PREX1: variants seen among roughly 807,000 people sequenced by gnomAD.
PREX1 encodes the protein phosphatidylinositol 3,4,5-trisphosphate-dependent Rac exchanger 1 protein.
PREX1 carries 41 observed loss-of-function variants against 198.3 expected under a neutral mutation model. That is an observed-to-expected ratio of 0.21 (90% CI 0.16 to 0.27). The LOEUF is 0.27. PREX1 is among the 10% of genes least tolerant of loss of function. PREX1 has a pLI of 1.00. For missense variants in PREX1, 1,620 were observed against 2,200.7 expected, an observed-to-expected ratio of 0.74 and a Z score of 5.28; for synonymous variants, 843 against 887.2, an observed-to-expected ratio of 0.95 and a Z score of 0.89.
intron 13 of PREX1, 65 bp from the exon 14 acceptor site, chr20:48,676,333 TG>T: frequency 2.7e-6 from 4 of 1,472,232 alleles, no homozygotes; most frequent in Non-Finnish European, 3.8e-6. Flanking sequence ...GGGGTGGTCC[TG>T]ACTTCCCTGC....
the PREX1 span, among the ~76,000 whole-genome samples, chr20:48,866,320 T>C: frequency 3.3e-5 from 5 of 152,216 alleles, no homozygotes; most frequent in Non-Finnish European, 7.3e-5. Flanking sequence ...TCAGGCCATT[T>C]TCCAGATGGA....
chr20:48,721,177 G>T (rs575913790), intron 5 of PREX1, among the ~76,000 whole-genome samples: 1 of 152,316 alleles, frequency 6.6e-6, no homozygotes, highest in East Asian at 1.9e-4. Flanking sequence ...GTGACCAGGG[G>T]TATCTACCCT....
the PREX1 span, among the ~76,000 whole-genome samples, chr20:48,862,812 T>TATAC: frequency 7.6e-6 from 1 of 131,664 alleles, no homozygotes; most frequent in Non-Finnish European, 1.7e-5. Context: ...TATATATATA[T>TATAC]ACTAATAAAC....
chr20:48,856,310 C>T, the PREX1 span, among the ~76,000 whole-genome samples: 1 of 152,240 alleles, frequency 6.6e-6, no homozygotes, highest in African/African-American at 2.4e-5. Flanking sequence ...TGAGAGGCTG[C>T]ACAGGGTCCA....
intron 14 of PREX1, among the ~76,000 whole-genome samples, chr20:48,674,847 A>C (rs1272384858): frequency 6.6e-6 from 1 of 152,254 alleles, no homozygotes; most frequent in African/African-American, 2.4e-5. Flanking sequence ...AGATTTTCTA[A>C]GCTTCTGGTC....
chr20:48,784,960 C>G (rs2090305334), intron 1 of PREX1, among the ~76,000 whole-genome samples: 1 of 151,868 alleles, frequency 6.6e-6, no homozygotes, highest in Non-Finnish European at 1.5e-5. Context: ...GTCACTCAGG[C>G]TGGAGTGCAA....
intron 7 of PREX1, among the ~76,000 whole-genome samples, chr20:48,699,047 G>T (rs2089861434): frequency 6.6e-6 from 1 of 152,134 alleles, no homozygotes; most frequent in Admixed American, 6.5e-5. Context: ...GAAAACAAAG[G>T]CTCAGGGAGG....
chr20:48,802,749 G>T (rs1051640038), intron 1 of PREX1, among the ~76,000 whole-genome samples: 2 of 152,216 alleles, frequency 1.3e-5, no homozygotes, highest in Admixed American at 6.5e-5. Context: ...GTCAGTATCT[G>T]CTGACAGCAT....
In PREX1 at chr20:48,827,758, C is replaced by T; in HGVS notation, c.103G>A (p.Gly35Ser). The change falls in exon 1 of 40, where the codon GGC becomes AGC. Residue 35 changes from glycine to serine, a missense_variant. By Grantham distance (56) the Gly-to-Ser change is moderately conservative. This residue lies in a region of PREX1 where 96 missense variants were observed against 98.7 expected (regional missense o/e 0.97). Coordinates refer to ENST00000371941, the MANE Select transcript of PREX1 (RefSeq NM_020820.4). This position sits in a 1 kb window ranked among gnomAD's most constrained non-coding sequence, Gnocchi z 4.1. ...GACTCCCGGGCGGCCGCGCACGGGC[C>T]GGGGCCGGAGCTGGGCGCCGCGGCG... ...PGAAAPSSGP[G>S]PCAAARESER... 1.7e-6 allele frequency: 2 copies of T among 1,207,588 alleles called. No homozygotes were observed. The highest frequency in any genetic ancestry group is 2.1e-6 in the Non-Finnish European group (2 of 962,158). The allele number at this position is 1,207,588 out of a possible 1,614,324, so 74.8% of individuals were successfully genotyped here. A position where few individuals can be genotyped will look rare whatever the true frequency, so the allele number is the denominator to read the frequency against.
intron 35 of PREX1, among the ~76,000 whole-genome samples, chr20:48,631,527 CA>C (rs2122815173): frequency 6.6e-6 from 1 of 152,322 alleles, no homozygotes; most frequent in Non-Finnish European, 1.5e-5. Context: ...GAGTATTCCA[CA>C]GATGGCGCAG....
intron 26 of PREX1, among the ~76,000 whole-genome samples, chr20:48,644,823 ATTCCACAGGGCTCTGTC>A (rs1373948043): frequency 2.0e-5 from 3 of 152,200 alleles, no homozygotes; most frequent in African/African-American, 7.2e-5. Context: ...ACACCTGCCC[ATTCCACAGGGCTCTGTC>A]TTCCGTCTCC....
At chr20:48,848,415 C>T in the PREX1 span, among the ~76,000 whole-genome samples, 1 of 151,808 alleles carries the variant, frequency 6.6e-6, no homozygotes. Context: ...CTACCACACC[C>T]AGCTAATTTT....
the PREX1 span, among the ~76,000 whole-genome samples, chr20:48,847,154 C>T: frequency 6.6e-6 from 1 of 152,062 alleles, no homozygotes; most frequent in South Asian, 2.1e-4. Flanking sequence ...CAACAAGACA[C>T]CTTGTGCAAA....
chr20:48,874,890 A>AG, the PREX1 span, among the ~76,000 whole-genome samples: 1 of 151,490 alleles, frequency 6.6e-6, no homozygotes, highest in African/African-American at 2.4e-5. Flanking sequence ...AAAAAAAAAA[A>AG]GAAAGAAAAG....
chr20:48,782,158 T>G (rs2090292408), intron 1 of PREX1, among the ~76,000 whole-genome samples: 1 of 152,196 alleles, frequency 6.6e-6, no homozygotes, highest in Non-Finnish European at 1.5e-5. Flanking sequence ...AAAGTCAGGC[T>G]GGGTCACTGA....
chr20:48,713,855 T>C (rs1254811930), intron 5 of PREX1, among the ~76,000 whole-genome samples: 1 of 68,042 alleles, frequency 1.5e-5, no homozygotes, highest in Non-Finnish European at 2.6e-5. Flanking sequence ...ATCCCAGAAC[T>C]ATAAAAAAAA....
At chr20:48,837,020 C>T in the PREX1 span, among the ~76,000 whole-genome samples, 1 of 152,018 alleles carries the variant, frequency 6.6e-6, no homozygotes, top group Non-Finnish European at 1.5e-5. Flanking sequence ...GAGTTCCTTC[C>T]CCCACCATCT....
At chr20:48,745,848 A>T (rs1373656570) in intron 2 of PREX1, among the ~76,000 whole-genome samples, 1 of 152,172 alleles carries the variant, frequency 6.6e-6, no homozygotes, top group Non-Finnish European at 1.5e-5. Flanking sequence ...TTGTCAAGGG[A>T]CATTTTTGGT....
At chr20:48,872,465 C>T in the PREX1 span, among the ~76,000 whole-genome samples, 2 of 152,062 alleles carry the variant, frequency 1.3e-5, no homozygotes, top group Admixed American at 6.6e-5. Flanking sequence ...GATAAGTGGC[C>T]GGGATCGGCA....
Sources: gnomAD v4.1 joint callset for allele counts (sites outside exome capture counted in the v4.1 genomes callset) on GRCh38, gnomAD v4.1.1 for gene constraint, gnomAD v4.1.1 regional missense constraint, Gnocchi (gnomAD v3.1) non-coding constraint, MANE v1.5 for transcripts, NCBI Gene and HGNC (gene_info 2026-07-23, HGNC 2026-07-21) for gene names.